Variants in CCDC172 observed in about 807,000 individuals in gnomAD.
CCDC172 encodes coiled-coil domain-containing protein 172.
In CCDC172, 30 loss-of-function variants were observed where a neutral mutation model predicts 38.0. The observed-to-expected ratio is 0.79, with a 90% CI of 0.59 to 1.07. The LOEUF (loss-of-function observed/expected upper bound fraction) is 1.07, where lower values mean the gene tolerates loss of function less well. CCDC172 is among the 50% of genes least tolerant of loss of function. The probability of loss-of-function intolerance (pLI) is 0.00; values close to 1 mark genes in which losing one functional copy is unlikely to be tolerated. For missense variants in CCDC172, 297 were observed against 290.1 expected, an observed-to-expected ratio of 1.02 and a Z score of -0.17; for synonymous variants, 78 against 88.3, an observed-to-expected ratio of 0.88 and a Z score of 0.66.
intron 3 of CCDC172, among the ~76,000 whole-genome samples, chr10:116,331,851 A>G (rs1265718746): frequency 6.6e-6 from 1 of 152,106 alleles, no homozygotes; most frequent in Non-Finnish European, 1.5e-5. Context: ...ACCAGTTTTT[A>G]TGTTAAATTC....
At chr10:116,359,812 CTTTAT>C (rs1335690683) in intron 7 of CCDC172, among the ~76,000 whole-genome samples, 5 of 152,080 alleles carry the variant, frequency 3.3e-5, no homozygotes, top group African/African-American at 1.2e-4. Flanking sequence ...TTAATACATG[CTTTAT>C]TTTGTCTATA....
At chr10:116,373,389 G>T (rs1233543396) in intron 7 of CCDC172, among the ~76,000 whole-genome samples, 2 of 152,082 alleles carry the variant, frequency 1.3e-5, no homozygotes, top group Non-Finnish European at 2.9e-5. Context: ...ATATATTTTA[G>T]GTTTATAGCA....
At position 116,335,833 on chromosome 10, in the gene CCDC172, T is replaced by A. The variant is rs188120250; in HGVS notation, c.166-4901T>A. ...AGCTTCTTTACTAAACCCTTTTTTT[T>A]ATTTCTTGATGGTTTCTCTGTATAT... is the stretch of plus-strand genomic sequence containing the variant. On this transcript the variant is annotated intron_variant, in intron 3 of 8. Transcript: ENST00000333254. Among the ~76,000 whole-genome samples the A allele has an allele frequency of 1.2e-3, 185 of 152,282 alleles. 8 individuals carry two copies. Among genetic ancestry groups the A allele is most frequent in the Non-Finnish European group, 2.5e-4 (17 of 68,036 alleles).
rs541479496 is a variant in CCDC172, at chr10:116,350,447, T to G, written c.449-6933T>G. ...ATATGAGAGAAATAAGTGTTAAGGT[T>G]GACTTTAAGGTTTTTGGCCTGAGAA... On this transcript the variant is annotated intron_variant, in intron 5 of 8. Transcript: ENST00000333254. Among the ~76,000 whole-genome samples the G allele has an allele frequency of 2.0e-5, 3 of 152,290 alleles. No individual in the cohort carries two copies. In the South Asian group the frequency reaches 6.2e-4, roughly 32 times the overall value.
intron 7 of CCDC172, among the ~76,000 whole-genome samples, chr10:116,371,169 T>G (rs1314520221): frequency 6.6e-6 from 1 of 151,936 alleles, no homozygotes; most frequent in South Asian, 2.1e-4. Flanking sequence ...TATGCTTACT[T>G]TGGGATTGAC....
chr10:116,352,007 A>G (rs1014300807), intron 5 of CCDC172, among the ~76,000 whole-genome samples: 2 of 152,192 alleles, frequency 1.3e-5, no homozygotes, highest in Admixed American at 6.5e-5. Context: ...GTGTATACAG[A>G]CAGGAAACCC....
chr10:116,333,551 GAT>G (rs546749805), intron 3 of CCDC172, among the ~76,000 whole-genome samples: 35 of 152,296 alleles, frequency 2.3e-4, no homozygotes, highest in African/African-American at 8.4e-4. Flanking sequence ...TGTATCCTAA[GAT>G]GTGTGGTGAT....
Position 116,378,463 on chromosome 10 carries a change from G to T in CCDC172, c.694G>T (p.Glu232Ter). ...ELELYKEDDM[E>*]SVYEALQTEI... ...AGAACTTTATAAGGAAGATGACATGGAAAGTGTTTATGAAGCTCTCCAAAC... is the reference window on the plus strand; with the variant it reads ...AGAACTTTATAAGGAAGATGACATGTAAAGTGTTTATGAAGCTCTCCAAAC... Residue 232 changes from glutamate (E) to a stop codon, truncating the protein, a stop_gained, in exon 8 of 9, where the codon GAA (glutamate) becomes TAA (stop). Transcript: ENST00000333254. LOFTEE classifies it high-confidence loss of function. 1 of 1,603,602 alleles carries T rather than the reference G, an allele frequency of 6.2e-7. No homozygotes were observed. The highest frequency in any genetic ancestry group is 8.5e-7 in the Non-Finnish European group (1 of 1,176,242).
intron 3 of CCDC172, among the ~76,000 whole-genome samples, chr10:116,331,929 G>A (rs1383580408): frequency 1.3e-5 from 2 of 152,084 alleles, no homozygotes; most frequent in Admixed American, 6.6e-5. Flanking sequence ...GATATGACTC[G>A]TTTTCCACTC....
chr10:116,350,211 A>C (rs1844914607), intron 5 of CCDC172, among the ~76,000 whole-genome samples: 1 of 152,208 alleles, frequency 6.6e-6, no homozygotes, highest in African/African-American at 2.4e-5. Context: ...GAAGGGTCTC[A>C]CATTTGAATA....
chr10:116,366,096 T>C (rs974370402), intron 7 of CCDC172, among the ~76,000 whole-genome samples: 3 of 152,172 alleles, frequency 2.0e-5, no homozygotes, highest in African/African-American at 7.2e-5. Context: ...TATATTTTTA[T>C]TCCCTAGTGG....
chr10:116,377,305 A>G (rs1479687831), intron 7 of CCDC172, among the ~76,000 whole-genome samples: 1 of 152,154 alleles, frequency 6.6e-6, no homozygotes, highest in Non-Finnish European at 1.5e-5. Context: ...ATTGGTTGCT[A>G]TGAATCTCCT....
chr10:116,328,200 A>G (rs1844613848), intron 3 of CCDC172, among the ~76,000 whole-genome samples: 1 of 152,122 alleles, frequency 6.6e-6, no homozygotes. Context: ...GCAGGGCTCA[A>G]TGAGTCTTTT....
chr10:116,372,221 A>T (rs980901855), intron 7 of CCDC172, among the ~76,000 whole-genome samples: 1 of 151,904 alleles, frequency 6.6e-6, no homozygotes, highest in Non-Finnish European at 1.5e-5. Flanking sequence ...TTTTTACATT[A>T]TTTTTCCTTT....
intron 5 of CCDC172, among the ~76,000 whole-genome samples, chr10:116,342,431 T>A (rs1458416208): frequency 6.6e-6 from 1 of 152,172 alleles, no homozygotes; most frequent in Non-Finnish European, 1.5e-5. Flanking sequence ...AATAAATATC[T>A]GTTATGTGAT....
intron 7 of CCDC172, among the ~76,000 whole-genome samples, chr10:116,372,634 C>T (rs1391484341): frequency 6.6e-6 from 1 of 151,932 alleles, no homozygotes; most frequent in African/African-American, 2.4e-5. Flanking sequence ...GTAGAGAATT[C>T]TACAAAAATA....
rs186790514 is a variant in CCDC172 at position 116,349,972 on chromosome 10, C to T, written c.449-7408C>T. On this transcript the variant is annotated intron_variant, in intron 5 of 8. Coordinates refer to ENST00000333254, the MANE Select transcript of CCDC172 (RefSeq NM_198515.3). ...GTAAGGGAATCAAACAAGTGAATAC[C>T]TGGGGGAATATCATTTCACAGAGAA... 6.5e-4 allele frequency among the ~76,000 whole-genome samples: 99 copies of T among 152,132 alleles called. 1 individual carries two copies. Among genetic ancestry groups the T allele is most frequent in the African/African-American group, 2.3e-3 (96 of 41,528 alleles).
At chr10:116,346,941 G>A (rs74158441) in intron 5 of CCDC172, among the ~76,000 whole-genome samples, 6,451 of 152,222 alleles carry the variant, frequency 0.042, 440 homozygotes, top group African/African-American at 0.14. Flanking sequence ...AGCACAAGAT[G>A]ATATGAGAAC....
intron 7 of CCDC172, among the ~76,000 whole-genome samples, chr10:116,375,734 T>G (rs1388961089): frequency 6.6e-6 from 1 of 152,116 alleles, no homozygotes; most frequent in East Asian, 1.9e-4. Context: ...GAACAGACAC[T>G]TCTCAAAAGA....
Sources: allele counts gnomAD v4.1 joint callset (sites outside exome capture counted in the v4.1 genomes callset), GRCh38; gene constraint gnomAD v4.1.1; transcripts MANE v1.5; gene names NCBI Gene and HGNC (gene_info 2026-07-23, HGNC 2026-07-21).